Variants in DEPDC5 observed in about 807,000 individuals in gnomAD.
The protein encoded by DEPDC5 is GATOR1 complex protein DEPDC5.
A neutral mutation model predicts 217.3 loss-of-function variants in DEPDC5; 73 were observed. The ratio of observed to expected loss-of-function variants is 0.34; its 90% CI spans 0.28 to 0.41. The LOEUF is 0.41. DEPDC5 is among the 10% of genes least tolerant of loss of function. The pLI is 1.00. For synonymous variants in DEPDC5, 733 were observed against 756.7 expected (o/e 0.97, Z 0.51); for missense variants, 1,675 against 2,070.1 (o/e 0.81, Z 3.70).
chr22:31,841,257 G>A (rs918626663), intron 27 of DEPDC5, among the ~76,000 whole-genome samples: 4 of 152,142 alleles, frequency 2.6e-5, no homozygotes, highest in Non-Finnish European at 5.9e-5. Flanking sequence ...TGGCACCATC[G>A]GGGAAATTTC....
At chr22:31,904,481 G>A (rs1489621493) in intron 41 of DEPDC5, among the ~76,000 whole-genome samples, 1 of 152,222 alleles carries the variant, frequency 6.6e-6, no homozygotes, top group African/African-American at 2.4e-5. Flanking sequence ...GGTGGCTCAC[G>A]CCTGTAATCC....
intron 14 of DEPDC5, among the ~76,000 whole-genome samples, chr22:31,800,881 C>T (rs1350798785): frequency 6.6e-6 from 1 of 151,958 alleles, no homozygotes; most frequent in Non-Finnish European, 1.5e-5. Flanking sequence ...GAGGCTGAGA[C>T]AGGAGAATCA....
chr22:31,883,499 C>G (rs568103898), intron 38 of DEPDC5, among the ~76,000 whole-genome samples: 1 of 152,168 alleles, frequency 6.6e-6, no homozygotes, highest in East Asian at 1.9e-4. Flanking sequence ...TGCTGTGGTG[C>G]GATGGTAATA....
chr22:31,906,864 C>T lies in DEPDC5; in HGVS notation c.*367C>T, dbSNP rs904544756. ...TCCTGGTAGCATCCTTTTCCTTCAC[C>T]ATCTATGGGATATTAGGGGCAGAAT... On this transcript the variant is annotated 3_prime_UTR_variant, in exon 43 of 43. Transcript: ENST00000651528. The surrounding 1 kb of genome is among the most constrained non-coding windows in gnomAD (Gnocchi z 5.1). 7 of 368,848 alleles carry T rather than the reference C, an allele frequency of 1.9e-5. No individual in the cohort carries two copies. The highest frequency in any genetic ancestry group is 1.4e-4 in the African/African-American group (7 of 48,906). The allele number at this position is 368,848 out of a possible 1,614,324, so 22.8% of individuals were successfully genotyped here.
At chr22:31,801,017 C>T (rs1322164557) in intron 14 of DEPDC5, among the ~76,000 whole-genome samples, 6 of 149,986 alleles carry the variant, frequency 4.0e-5, no homozygotes, top group African/African-American at 1.2e-4. Context: ...AATAGGCTGG[C>T]TGCAGTGGCT....
chr22:31,806,073 TTAAAA>T (rs760106979), intron 17 of DEPDC5, 44 bp from the exon 18 acceptor site: 2 of 1,555,562 alleles, frequency 1.3e-6, no homozygotes, highest in South Asian at 1.1e-5. Flanking sequence ...GTTTTGAGTT[TTAAAA>T]TAAAGGGAAT....
At chr22:31,896,232 A>G (rs1003955571) in intron 39 of DEPDC5, among the ~76,000 whole-genome samples, 2 of 152,224 alleles carry the variant, frequency 1.3e-5, no homozygotes, top group African/African-American at 4.8e-5. Context: ...TAAGTTAATT[A>G]TTATTTAAGG....
intron 6 of DEPDC5, 22 bp downstream of exon 6, chr22:31,766,690 A>G: frequency 6.2e-7 from 1 of 1,604,000 alleles, no homozygotes. Flanking sequence ...TTTTTTTTGA[A>G]AGTCTGTTAC....
At chr22:31,778,681 A>G (rs2084127372) in intron 8 of DEPDC5, among the ~76,000 whole-genome samples, 1 of 152,206 alleles carries the variant, frequency 6.6e-6, no homozygotes, top group Non-Finnish European at 1.5e-5. Context: ...GGCCTGCATT[A>G]TGCCATGCCC....
At chr22:31,848,501 G>A (rs2091865214) in intron 31 of DEPDC5, among the ~76,000 whole-genome samples, 1 of 152,216 alleles carries the variant, frequency 6.6e-6, no homozygotes, top group African/African-American at 2.4e-5. Flanking sequence ...ACCTTCTGAA[G>A]CCATGCCTGA....
At chr22:31,900,333 C>T (rs554092562) in intron 40 of DEPDC5, among the ~76,000 whole-genome samples, 70 of 152,040 alleles carry the variant, frequency 4.6e-4, no homozygotes, top group African/African-American at 1.3e-3. Flanking sequence ...AGGTGTGAGC[C>T]GCCGCACCTG....
intron 27 of DEPDC5, among the ~76,000 whole-genome samples, chr22:31,842,144 T>C (rs1376041326): frequency 1.3e-5 from 2 of 152,242 alleles, no homozygotes; most frequent in Non-Finnish European, 2.9e-5. Context: ...GTGACAGATA[T>C]ACGCACAAGG....
At chr22:31,762,655 C>T (rs962063381) in intron 4 of DEPDC5, among the ~76,000 whole-genome samples, 1 of 151,982 alleles carries the variant, frequency 6.6e-6, no homozygotes. Context: ...CTCAGCTACT[C>T]GGGAAGCTGA....
At chr22:31,791,664 C>A (rs990958853) in intron 10 of DEPDC5, among the ~76,000 whole-genome samples, 5 of 147,932 alleles carry the variant, frequency 3.4e-5, no homozygotes, top group Non-Finnish European at 5.9e-5. Context: ...CACAGTGGCT[C>A]ACACCTGTAA....
intron 38 of DEPDC5, among the ~76,000 whole-genome samples, chr22:31,891,961 G>A (rs2093446734): frequency 6.6e-6 from 1 of 152,210 alleles, no homozygotes; most frequent in South Asian, 2.1e-4. Flanking sequence ...TCCCAGATAG[G>A]ATGAGTAAGC....
In DEPDC5 at chr22:31,906,440, C is replaced by T. The variant is rs1351032886; in HGVS notation, c.4755C>T (p.Asn1585=). The T allele has an allele frequency of 6.2e-7, 1 of 1,613,924 alleles. No individual in the cohort carries two copies. Among genetic ancestry groups the T allele is most frequent in the Non-Finnish European group, 8.5e-7 (1 of 1,180,046 alleles). Residue 1585 remains asparagine, a synonymous_variant, in exon 43 of 43, where the codon AAC becomes AAT. Transcript: ENST00000651528. This position sits in a 1 kb window ranked among gnomAD's most constrained non-coding sequence, Gnocchi z 5.1. ...CGGACTTCTGCATCAACCGTGACAA[C>T]CGGCTGGTCACGTTCTGGACAAGTT... ...DFTDFCINRD[N]RLVTFWTSCL... is the part of the protein sequence containing the mutation.
At chr22:31,810,921 A>G (rs903468329) in intron 20 of DEPDC5, among the ~76,000 whole-genome samples, 3 of 151,918 alleles carry the variant, frequency 2.0e-5, no homozygotes, top group Non-Finnish European at 4.4e-5. Context: ...GATTACAGGC[A>G]TGCGCCATCA....
intron 39 of DEPDC5, 160 bp downstream of exon 39, chr22:31,893,911 A>G: frequency 1.2e-6 from 1 of 856,304 alleles, no homozygotes; most frequent in East Asian, 3.2e-5. Context: ...TAAACATAGT[A>G]AAAATTTTAA....
chr22:31,803,421 C>T lies in DEPDC5; in HGVS notation c.1081+583C>T, dbSNP rs572033076. On this transcript the variant is annotated intron_variant, in intron 15 of 42. Transcript: ENST00000651528. ...TAGAGGTGGAGCTTCTCCGTGTTAG[C>T]CAGGATGGTCTCGATCTCCTGACCT... Among the ~76,000 whole-genome samples the T allele has an allele frequency of 7.2e-5, 11 of 152,126 alleles. No homozygotes were observed. In the East Asian group the frequency reaches 1.4e-3, roughly 19 times the overall value.
Sources: gnomAD v4.1 joint callset for allele counts (sites outside exome capture counted in the v4.1 genomes callset) on GRCh38, gnomAD v4.1.1 for gene constraint, Gnocchi (gnomAD v3.1) non-coding constraint, MANE v1.5 for transcripts, NCBI Gene and HGNC (gene_info 2026-07-23, HGNC 2026-07-21) for gene names.